The following ZNRF2 variants were observed in gnomAD, a reference collection of about 807,000 sequenced individuals.
ZNRF2 encodes zinc and ring finger 2, also known as E3 ubiquitin-protein ligase ZNRF2.
Under a neutral mutation model 20.4 loss-of-function variants are expected in ZNRF2, and 16 were observed. The ratio of observed to expected loss-of-function variants is 0.79; its 90% confidence interval spans 0.53 to 1.19. The LOEUF (loss-of-function observed/expected upper bound fraction) is 1.19. ZNRF2 is among the 50% of genes most tolerant of loss of function. ZNRF2 has a pLI of 0.00. For missense variants in ZNRF2, 363 were observed against 332.4 expected (o/e 1.09, Z -0.72); for synonymous variants, 178 against 144.9 (o/e 1.23, Z -1.64).
intron 1 of ZNRF2, among the ~76,000 whole-genome samples, chr7:30,303,282 A>G (rs1799148241): frequency 6.6e-6 from 1 of 151,118 alleles, no homozygotes; most frequent in Non-Finnish European, 1.5e-5. Flanking sequence ...AAAAAAGAAA[A>G]AGAAAAAGAA....
At chr7:30,358,024 T>C (rs1410587264) in intron 3 of ZNRF2, among the ~76,000 whole-genome samples, 3 of 152,126 alleles carry the variant, frequency 2.0e-5, no homozygotes, top group Admixed American at 1.3e-4. Flanking sequence ...GCATTTATGC[T>C]AGGGAATGCA....
chr7:30,362,504 A>C (rs1056988229), intron 4 of ZNRF2, 48 bp downstream of exon 4: 1 of 1,129,100 alleles, frequency 8.9e-7, no homozygotes, highest in Non-Finnish European at 1.3e-6. Context: ...CAAATTATAC[A>C]TTCTAAACTA....
intron 2 of ZNRF2, among the ~76,000 whole-genome samples, chr7:30,339,686 G>A (rs1328809288): frequency 6.6e-6 from 1 of 152,174 alleles, no homozygotes; most frequent in Non-Finnish European, 1.5e-5. Flanking sequence ...ACAGTTTGAA[G>A]TCAGGTAGTG....
chr7:30,306,655 C>T (rs903280862), intron 1 of ZNRF2, among the ~76,000 whole-genome samples: 1 of 152,016 alleles, frequency 6.6e-6, no homozygotes, highest in African/African-American at 2.4e-5. Context: ...CTGGATAATC[C>T]AATTGCTGTG....
chr7:30,296,183 G>A (rs1264965873), intron 1 of ZNRF2, among the ~76,000 whole-genome samples: 1 of 152,142 alleles, frequency 6.6e-6, no homozygotes, highest in Non-Finnish European at 1.5e-5. Context: ...AGAAGTGGTA[G>A]GTTATGTTTT....
At chr7:30,311,409 G>A (rs571242208) in intron 1 of ZNRF2, among the ~76,000 whole-genome samples, 3 of 152,116 alleles carry the variant, frequency 2.0e-5, no homozygotes, top group Admixed American at 1.3e-4. Context: ...ATGTAGAAAC[G>A]AACTACCAGC....
At chr7:30,287,143 TAA>T (rs1229905196) in intron 1 of ZNRF2, among the ~76,000 whole-genome samples, 1 of 152,252 alleles carries the variant, frequency 6.6e-6, no homozygotes, top group Admixed American at 6.5e-5. Context: ...GGGCTATTTT[TAA>T]AAGTCATTTG....
At chr7:30,324,157 T>A (rs957996073) in intron 2 of ZNRF2, among the ~76,000 whole-genome samples, 2 of 152,136 alleles carry the variant, frequency 1.3e-5, no homozygotes, top group South Asian at 2.1e-4. Context: ...TCACATCTGC[T>A]TCTTCATTCA....
chr7:30,288,052 C>T (rs1275549777), intron 1 of ZNRF2, among the ~76,000 whole-genome samples: 1 of 152,156 alleles, frequency 6.6e-6, no homozygotes, highest in Non-Finnish European at 1.5e-5. Flanking sequence ...GTGGCATTGC[C>T]TTACTGAGAT....
chr7:30,322,973 G>A (rs1799496691), intron 1 of ZNRF2, among the ~76,000 whole-genome samples: 1 of 152,160 alleles, frequency 6.6e-6, no homozygotes, highest in Non-Finnish European at 1.5e-5. Flanking sequence ...ACTTAGTAGT[G>A]CAGATTGAAT....
chr7:30,336,960 G>T (rs1016629486), intron 2 of ZNRF2, among the ~76,000 whole-genome samples: 5 of 152,006 alleles, frequency 3.3e-5, no homozygotes, highest in African/African-American at 1.2e-4. Context: ...AATTGAATTT[G>T]GTTGTATTAT....
chr7:30,343,278 A>G (rs1799824739), intron 2 of ZNRF2, among the ~76,000 whole-genome samples: 1 of 152,116 alleles, frequency 6.6e-6, no homozygotes. Context: ...TCGCACCACT[A>G]CACCTCAGCC....
chr7:30,288,646 T>C (rs1439015371), intron 1 of ZNRF2: 1 of 152,236 alleles, frequency 6.6e-6, no homozygotes, highest in Non-Finnish European at 1.5e-5. Flanking sequence ...CTAATCCAGA[T>C]ATTTCAGTGT....
chr7:30,326,630 A>T (rs890096365), intron 2 of ZNRF2, among the ~76,000 whole-genome samples: 1 of 152,166 alleles, frequency 6.6e-6, no homozygotes, highest in African/African-American at 2.4e-5. Context: ...ACAAGGATTT[A>T]TATTCCTTTA....
chr7:30,353,728 G>A (rs1024518025), intron 2 of ZNRF2, among the ~76,000 whole-genome samples: 8 of 152,034 alleles, frequency 5.3e-5, no homozygotes, highest in Non-Finnish European at 8.8e-5. Flanking sequence ...TTGCATCATA[G>A]TTTGGTGGAA....
chr7:30,303,463 T>C (rs977218209), intron 1 of ZNRF2, among the ~76,000 whole-genome samples: 11 of 152,136 alleles, frequency 7.2e-5, no homozygotes, highest in Admixed American at 4.6e-4. Context: ...TTGAGTAGTT[T>C]TGGGGTGAAG....
rs1238818139 is a variant in ZNRF2, at chr7:30,355,928, C to A, written c.671+95C>A. The A allele has an allele frequency of 3.8e-6, 3 of 794,746 alleles. No individual in the cohort carries two copies. In the African/African-American group the frequency reaches 5.2e-5, roughly 14 times the overall value. The allele number at this position is 794,746 out of a possible 1,614,324, so 49.2% of individuals were successfully genotyped here. A position where few individuals can be genotyped will look rare whatever the true frequency, so the allele number is the denominator to read the frequency against. On this transcript the variant is annotated intron_variant, in intron 3 of 4. Coordinates refer to ENST00000323037, the MANE Select transcript of ZNRF2 (RefSeq NM_147128.4). ...AAAAGGAATCTTCGTTGAAACCACC[C>A]CCTCCCTGTCTCACACACACTTCTT...
At chr7:30,301,621 A>T (rs1799115512) in intron 1 of ZNRF2, among the ~76,000 whole-genome samples, 1 of 151,928 alleles carries the variant, frequency 6.6e-6, no homozygotes, top group Non-Finnish European at 1.5e-5. Context: ...AGGTCAGTCA[A>T]ACTAGCTTTA....
In ZNRF2 at chr7:30,363,063, G is replaced by A. The variant is rs150121470; in HGVS notation, c.*22+607G>A. Reference sequence around the variant, plus strand: ...GTGAACCCAGGAGGTGGAGTTGGCGGTGAGCTGAGATCGTGCCACTGCACT... The same window carrying A: ...GTGAACCCAGGAGGTGGAGTTGGCGATGAGCTGAGATCGTGCCACTGCACT... On this transcript the variant is annotated intron_variant, in intron 4 of 4. Coordinates refer to ENST00000323037, the MANE Select transcript of ZNRF2 (RefSeq NM_147128.4). 2.6e-3 allele frequency among the ~76,000 whole-genome samples: 394 copies of A among 152,280 alleles called. 1 individual carries two copies. Among genetic ancestry groups the A allele is most frequent in the African/African-American group, 9.0e-3 (372 of 41,560 alleles).
Sources: allele counts gnomAD v4.1 joint callset (sites outside exome capture counted in the v4.1 genomes callset), GRCh38; gene constraint gnomAD v4.1.1; transcripts MANE v1.5; gene names NCBI Gene and HGNC (gene_info 2026-07-23, HGNC 2026-07-21).